Variants in PCDH11Y observed in about 807,000 individuals in gnomAD.
The protein encoded by PCDH11Y is protocadherin-11 Y-linked.
For synonymous variants in PCDH11Y, 9 were observed against 83.6 expected, an observed-to-expected ratio of 0.11 and a Z score of 4.87; for missense variants, 12 against 224.8, an observed-to-expected ratio of 0.05 and a Z score of 6.05.
intron 2 of PCDH11Y, among the ~76,000 whole-genome samples, chrY:5,475,089 T>C: frequency 3.0e-5 from 1 of 32,924 alleles, no homozygotes; most frequent in African/African-American, 1.2e-4. Flanking sequence ...TAGGATTTTA[T>C]ACATCTAATA....
intron 2 of PCDH11Y, among the ~76,000 whole-genome samples, chrY:5,121,013 A>G (rs2124640032): frequency 3.5e-5 from 1 of 28,957 alleles, no homozygotes; most frequent in Admixed American, 3.2e-4. Flanking sequence ...CTGAGACTCA[A>G]TTTCTTCTTG....
At chrY:5,001,919 G>T in intron 1 of PCDH11Y, among the ~76,000 whole-genome samples, 1 of 33,696 alleles carries the variant, frequency 3.0e-5, no homozygotes, top group South Asian at 6.6e-4. Flanking sequence ...GGTGTGGGGC[G>T]CTAGGCTGCT....
intron 2 of PCDH11Y, among the ~76,000 whole-genome samples, chrY:5,335,304 G>C (rs2124668009): frequency 6.1e-5 from 2 of 32,917 alleles, no homozygotes; most frequent in South Asian, 6.7e-4. Flanking sequence ...GGAACCAAAA[G>C]GGGGAGGCAG....
intron 2 of PCDH11Y, among the ~76,000 whole-genome samples, chrY:5,365,168 G>A: frequency 3.0e-5 from 1 of 32,840 alleles, no homozygotes; most frequent in African/African-American, 1.2e-4. Flanking sequence ...CCTTTTTCTT[G>A]TATTAAAAAC....
At chrY:5,616,813 C>A (rs2053494245) in intron 4 of PCDH11Y, among the ~76,000 whole-genome samples, 2 of 32,740 alleles carry the variant, frequency 6.1e-5, no homozygotes, top group African/African-American at 1.2e-4. Flanking sequence ...AAATATATAG[C>A]TTTAGTGGTT....
chrY:5,417,981 A>G lies in PCDH11Y; in HGVS notation c.3130-83076A>G, dbSNP rs1602922590. Reference sequence around the variant, plus strand: ...GTTTACGAAGCGATATCTGTCAAACATATGAAATTGAACATTCCATTCTCA... The same window carrying G: ...GTTTACGAAGCGATATCTGTCAAACGTATGAAATTGAACATTCCATTCTCA... On this transcript the variant is annotated intron_variant, in intron 2 of 4. Coordinates refer to the PCDH11Y transcript ENST00000400457. Among the ~76,000 whole-genome samples, 3 of 33,878 alleles carry G rather than the reference A, an allele frequency of 8.9e-5. No homozygotes were observed. The East Asian group carries it at 2.3e-3, about 26-fold the overall frequency. The allele number at this position is 33,878 out of a possible 37,273, so 90.9% of individuals were successfully genotyped here.
At chrY:5,686,145 C>G (rs2053562782) in intron 4 of PCDH11Y, among the ~76,000 whole-genome samples, 1 of 33,246 alleles carries the variant, frequency 3.0e-5, no homozygotes, top group Non-Finnish European at 7.5e-5. Flanking sequence ...TTCATGAGTT[C>G]TCTATTCTGT....
intron 2 of PCDH11Y, among the ~76,000 whole-genome samples, chrY:5,471,257 C>T: frequency 3.1e-5 from 1 of 31,766 alleles, no homozygotes; most frequent in African/African-American, 1.2e-4. Context: ...CTAGATCTTA[C>T]TATAGCAAGC....
intron 2 of PCDH11Y, among the ~76,000 whole-genome samples, chrY:5,219,808 CA>C (rs2052950746): frequency 3.0e-5 from 1 of 32,850 alleles, no homozygotes; most frequent in Non-Finnish European, 7.5e-5. Flanking sequence ...AAAAAACAAA[CA>C]AAAAAAACAC....
intron 2 of PCDH11Y, among the ~76,000 whole-genome samples, chrY:5,244,977 T>C: frequency 6.0e-5 from 2 of 33,248 alleles, no homozygotes; most frequent in Admixed American, 2.7e-4. Flanking sequence ...AACACACCAG[T>C]TGTGGCAGAC....
intron 4 of PCDH11Y, among the ~76,000 whole-genome samples, chrY:5,583,363 C>T: frequency 3.2e-5 from 1 of 30,981 alleles, no homozygotes; most frequent in Non-Finnish European, 7.9e-5. Flanking sequence ...GGCTATTCTG[C>T]GTGTTTTGTG....
chrY:5,348,430 C>T, intron 2 of PCDH11Y, among the ~76,000 whole-genome samples: 2 of 32,663 alleles, frequency 6.1e-5, no homozygotes, highest in Admixed American at 5.8e-4. Context: ...TAGAATAAAA[C>T]TCAAATCTTT....
intron 2 of PCDH11Y, among the ~76,000 whole-genome samples, chrY:5,496,440 T>C: frequency 3.1e-5 from 1 of 32,763 alleles, no homozygotes; most frequent in Non-Finnish European, 7.4e-5. Context: ...CCATTCAGTT[T>C]CATATTGTCT....
intron 4 of PCDH11Y, among the ~76,000 whole-genome samples, chrY:5,645,821 C>G (rs2124705593): frequency 3.3e-5 from 1 of 30,571 alleles, no homozygotes; most frequent in East Asian, 8.9e-4. Flanking sequence ...TGGCTTTTAT[C>G]CAAAAGGCAG....
chrY:5,107,320 C>G, downstream of PCDH11Y, among the ~76,000 whole-genome samples: 1 of 33,710 alleles, frequency 3.0e-5, no homozygotes, highest in South Asian at 6.5e-4. Flanking sequence ...AAAGGAACTT[C>G]TAAACTGACT....
chrY:5,174,139 G>T (rs1602880187), intron 2 of PCDH11Y, among the ~76,000 whole-genome samples: 3 of 9,847 alleles, frequency 3.0e-4, no homozygotes, highest in Non-Finnish European at 4.5e-4. Flanking sequence ...ATACAAATGT[G>T]ATATATATAT....
At chrY:5,412,282 T>G in intron 2 of PCDH11Y, among the ~76,000 whole-genome samples, 1 of 31,981 alleles carries the variant, frequency 3.1e-5, no homozygotes, top group Non-Finnish European at 7.6e-5. Flanking sequence ...ACATTGATTT[T>G]GTATCCTGAA....
At chrY:5,330,160 C>G (rs2053129183) in intron 2 of PCDH11Y, among the ~76,000 whole-genome samples, 1 of 32,154 alleles carries the variant, frequency 3.1e-5, no homozygotes, top group Non-Finnish European at 7.6e-5. Flanking sequence ...GGTTTGTTCT[C>G]TGGCGGGTAG....
At chrY:5,357,770 G>A (rs2053169496) in intron 2 of PCDH11Y, among the ~76,000 whole-genome samples, 1 of 33,243 alleles carries the variant, frequency 3.0e-5, no homozygotes, top group African/African-American at 1.2e-4. Flanking sequence ...AACTAGTTCT[G>A]ACATCCTTTA....
Sources: allele counts gnomAD v4.1 joint callset (sites outside exome capture counted in the v4.1 genomes callset), GRCh38; gene constraint gnomAD v4.1.1; transcripts MANE v1.5; gene names NCBI Gene and HGNC (gene_info 2026-07-23, HGNC 2026-07-21).